EML1: variants seen among roughly 807,000 people sequenced by gnomAD.
EML1 encodes EMAP like 1, also known as echinoderm microtubule-associated protein-like 1.
In EML1, 27 loss-of-function variants were observed where a neutral mutation model predicts 110.4. The ratio of observed to expected loss-of-function variants is 0.24; its 90% CI spans 0.18 to 0.34. The LOEUF (loss-of-function observed/expected upper bound fraction) is 0.34. EML1 is among the 10% of genes least tolerant of loss of function. EML1 has a pLI of 1.00. For synonymous variants in EML1, 344 were observed against 385.8 expected (o/e 0.89, Z 1.27); for missense variants, 741 against 1,030.9 (o/e 0.72, Z 3.85).
At chr14:99,917,715 G>T (rs1042272800) in intron 15 of EML1, 67 bp from the exon 16 acceptor site, 8 of 1,504,370 alleles carry the variant, frequency 5.3e-6, no homozygotes, top group Admixed American at 3.4e-5. Context: ...ACGCACTCAC[G>T]TGTGTGTGTT....
chr14:99,859,964 C>T (rs1267736187), intron 2 of EML1, among the ~76,000 whole-genome samples: 4 of 152,200 alleles, frequency 2.6e-5, no homozygotes, highest in Non-Finnish European at 5.9e-5. Flanking sequence ...TCGCATTGCT[C>T]ATTCCTAGTC....
At chr14:99,921,824 G>A (rs1259048388) in intron 17 of EML1, among the ~76,000 whole-genome samples, 1 of 152,164 alleles carries the variant, frequency 6.6e-6, no homozygotes, top group Non-Finnish European at 1.5e-5. Context: ...GTGGAGCTAT[G>A]CAACAACCAT....
At chr14:99,853,357 G>A (rs2058844181) in intron 2 of EML1, among the ~76,000 whole-genome samples, 1 of 152,120 alleles carries the variant, frequency 6.6e-6, no homozygotes. Flanking sequence ...GGAAACAGGG[G>A]CAGGAGGGGC....
intron 1 of EML1, among the ~76,000 whole-genome samples, chr14:99,764,027 T>C (rs73352533): frequency 0.089 from 13,511 of 152,188 alleles, 1,763 homozygotes; most frequent in African/African-American, 0.29. Context: ...TCCCCAAGTG[T>C]TTCTGGAGGA....
rs1056186204 is a variant in EML1 at position 99,878,334 on chromosome 14, C to T, written c.384-151C>T. 4 of 1,090,602 alleles carry T rather than the reference C, an allele frequency of 3.7e-6. No homozygotes were observed. In the South Asian group the frequency reaches 6.8e-5, roughly 18 times the overall value. The allele number at this position is 1,090,602 out of a possible 1,614,324, so 67.6% of individuals were successfully genotyped here. On this transcript the variant is annotated intron_variant, in intron 3 of 21. Transcript: ENST00000262233. ...AGAGCAGAGATGTTATTCTATGTGACACTCTGAAAAGCTTTTTGATCTCCG... is the reference window on the plus strand; with the variant it reads ...AGAGCAGAGATGTTATTCTATGTGATACTCTGAAAAGCTTTTTGATCTCCG...
intron 1 of EML1, among the ~76,000 whole-genome samples, chr14:99,775,064 A>C (rs952787595): frequency 3.3e-5 from 5 of 152,260 alleles, no homozygotes; most frequent in African/African-American, 1.2e-4. Context: ...CATGCATTTG[A>C]ATACTGTTAT....
At chr14:99,856,654 C>T (rs777103257) in intron 2 of EML1, among the ~76,000 whole-genome samples, 11 of 152,126 alleles carry the variant, frequency 7.2e-5, no homozygotes, top group Non-Finnish European at 1.3e-4. Flanking sequence ...TTTTGTTTCT[C>T]TCATTAGCTG....
intron 3 of EML1, chr14:99,874,983 C>T (rs1354350617): frequency 2.5e-6 from 4 of 1,613,388 alleles, no homozygotes; most frequent in Non-Finnish European, 3.4e-6. Context: ...TAGATCGACA[C>T]CAAGGTGAGG....
Position 99,939,479 on chromosome 14 carries a change from A to G in EML1, c.2322+152A>G, listed in dbSNP as rs1595515922. ...TGTTCTTTGCGCCCTGAGCACTTCC[A>G]GCCGCCCTTAGGGAAACCCCAAGCC... On this transcript the variant is annotated intron_variant, in intron 21 of 21. Coordinates refer to ENST00000262233, the MANE Select transcript of EML1 (RefSeq NM_004434.3). This position sits in a 1 kb window ranked among gnomAD's most constrained non-coding sequence, Gnocchi z 4.2. 12 of 1,289,332 alleles carry G rather than the reference A, an allele frequency of 9.3e-6. No homozygotes were observed. In the East Asian group the frequency reaches 3.0e-4, roughly 32 times the overall value. The allele number at this position is 1,289,332 out of a possible 1,614,324, so 79.9% of individuals were successfully genotyped here. A position where few individuals can be genotyped will look rare whatever the true frequency, so the allele number is the denominator to read the frequency against.
At chr14:99,848,911 T>A (rs2058745739) in intron 1 of EML1, among the ~76,000 whole-genome samples, 1 of 151,326 alleles carries the variant, frequency 6.6e-6, no homozygotes, top group South Asian at 2.1e-4. Context: ...TGCAGTGAGC[T>A]GTGATCACAC....
At chr14:99,809,949 G>A (rs1027073417) in intron 1 of EML1, among the ~76,000 whole-genome samples, 4 of 152,166 alleles carry the variant, frequency 2.6e-5, no homozygotes, top group Non-Finnish European at 5.9e-5. Context: ...AGGCCCCAGG[G>A]ATTTGAGGAA....
chr14:99,930,552 T>G (rs1404975277), intron 17 of EML1, among the ~76,000 whole-genome samples: 2 of 152,364 alleles, frequency 1.3e-5, no homozygotes, highest in Admixed American at 6.5e-5. Context: ...CATGGTCTTT[T>G]GCTGATAAAC....
chr14:99,804,928 C>T (rs1340740762), intron 1 of EML1, among the ~76,000 whole-genome samples: 1 of 152,224 alleles, frequency 6.6e-6, no homozygotes, highest in Non-Finnish European at 1.5e-5. Context: ...CCCTTTCCTC[C>T]CAGGGCCCTG....
Position 99,844,408 on chromosome 14 carries a change from G to T in EML1, c.68-6445G>T, listed in dbSNP as rs907862348. ...GCAAGAGAATCACCTGAATCTGGGA[G>T]GTGGAGGTTGCAGTGAGCTGAGATC... On this transcript the variant is annotated intron_variant, in intron 1 of 21. Transcript: ENST00000262233. 3.9e-5 allele frequency among the ~76,000 whole-genome samples: 6 copies of T among 151,968 alleles called. No homozygotes were observed. In the East Asian group the frequency reaches 1.2e-3, roughly 29 times the overall value.
At chr14:99,913,212 G>T (rs141001027) in intron 13 of EML1, among the ~76,000 whole-genome samples, 3,190 of 151,954 alleles carry the variant, frequency 0.021, 103 homozygotes, top group African/African-American at 0.071. Context: ...GACAGGGTCT[G>T]GCTCTGTCAC....
intron 9 of EML1, among the ~76,000 whole-genome samples, chr14:99,901,370 C>T (rs934148143): frequency 2.6e-5 from 4 of 152,274 alleles, no homozygotes; most frequent in African/African-American, 7.2e-5. Flanking sequence ...GTGGCTCCAG[C>T]GTGTCTGTCT....
At chr14:99,767,336 G>T (rs1224532109) in intron 1 of EML1, among the ~76,000 whole-genome samples, 1 of 152,218 alleles carries the variant, frequency 6.6e-6, no homozygotes. Flanking sequence ...GGGCACGGTG[G>T]CTCACGCCTG....
intron 11 of EML1, 38 bp from the exon 12 acceptor site, chr14:99,910,204 A>G (rs2059923908): frequency 7.2e-7 from 1 of 1,398,186 alleles, no homozygotes; most frequent in Non-Finnish European, 9.8e-7. Flanking sequence ...TGTTGTATGG[A>G]TTAAATATAT....
At chr14:99,739,091 TGAGAGAGAGAGACAGAGAGAGAGAGAGA>T (rs2057007055) in intron 1 of EML1, among the ~76,000 whole-genome samples, 3 of 136,394 alleles carry the variant, frequency 2.2e-5, no homozygotes, top group Non-Finnish European at 3.1e-5. Flanking sequence ...TGTGTGTGTG[TGAGAGAGAGAGACAGAGAGAGAGAGAGA>T]GTGTGTGTGT....
Sources: gnomAD v4.1 joint callset for allele counts (sites outside exome capture counted in the v4.1 genomes callset) on GRCh38, gnomAD v4.1.1 for gene constraint, Gnocchi (gnomAD v3.1) non-coding constraint, MANE v1.5 for transcripts, NCBI Gene and HGNC (gene_info 2026-07-23, HGNC 2026-07-21) for gene names.